CSNK1G3: variants seen among roughly 807,000 people sequenced by gnomAD.
CSNK1G3 encodes casein kinase I isoform gamma-3.
In CSNK1G3, 23 loss-of-function variants were observed where a neutral mutation model predicts 64.3. The observed-to-expected ratio is 0.36, with a 90% CI of 0.26 to 0.51. The LOEUF (loss-of-function observed/expected upper bound fraction) is 0.51. Ranked by LOEUF, CSNK1G3 falls within the 20% of genes least tolerant of loss-of-function variation. The pLI is 0.96. For missense variants in CSNK1G3, 357 were observed against 510.5 expected, an observed-to-expected ratio of 0.70 and a Z score of 2.90; for synonymous variants, 158 against 162.2, an observed-to-expected ratio of 0.97 and a Z score of 0.20.
At chr5:123,549,747 TAAGTA>T (rs1783286368) in intron 2 of CSNK1G3, among the ~76,000 whole-genome samples, 2 of 152,210 alleles carry the variant, frequency 1.3e-5, no homozygotes, top group African/African-American at 4.8e-5. Flanking sequence ...TAGAATTTGT[TAAGTA>T]TAGTAACCTT....
At chr5:123,552,798 A>G (rs1020416545) in intron 2 of CSNK1G3, among the ~76,000 whole-genome samples, 79 of 152,288 alleles carry the variant, frequency 5.2e-4, no homozygotes, top group African/African-American at 1.8e-3. Flanking sequence ...TTGACCATGC[A>G]TTTGACTATT....
At chr5:123,529,744 C>G (rs1779630072) in intron 1 of CSNK1G3, among the ~76,000 whole-genome samples, 1 of 152,112 alleles carries the variant, frequency 6.6e-6, no homozygotes, top group African/African-American at 2.4e-5. Flanking sequence ...TTTAGCATGA[C>G]CTCGTCTTGA....
intron 10 of CSNK1G3, among the ~76,000 whole-genome samples, chr5:123,600,838 T>G (rs182395998): frequency 6.6e-6 from 1 of 152,002 alleles, no homozygotes; most frequent in South Asian, 2.1e-4. Context: ...TGTCTCACAC[T>G]TGCTTGTGGG....
intron 5 of CSNK1G3, among the ~76,000 whole-genome samples, chr5:123,574,778 A>G (rs1788840640): frequency 6.6e-6 from 1 of 152,284 alleles, no homozygotes; most frequent in East Asian, 1.9e-4. Context: ...TGAAGCTGCA[A>G]TGAGCTATGC....
chr5:123,603,051 C>T (rs754508621), intron 10 of CSNK1G3, among the ~76,000 whole-genome samples: 12 of 152,140 alleles, frequency 7.9e-5, no homozygotes, highest in East Asian at 1.9e-4. Context: ...TGAGTCTAGA[C>T]CCATCTTACT....
intron 6 of CSNK1G3, among the ~76,000 whole-genome samples, chr5:123,581,861 T>G (rs989280571): frequency 6.6e-6 from 1 of 152,138 alleles, no homozygotes. Flanking sequence ...TTGTAGTAGA[T>G]AATTTTTATC....
chr5:123,520,585 G>A (rs2149963575), intron 1 of CSNK1G3, among the ~76,000 whole-genome samples: 1 of 151,350 alleles, frequency 6.6e-6, no homozygotes, highest in East Asian at 1.9e-4. Flanking sequence ...TGAATAAAGT[G>A]TGCCTCAAAT....
chr5:123,574,957 CAA>C (rs1415033144), intron 5 of CSNK1G3, among the ~76,000 whole-genome samples: 2 of 152,072 alleles, frequency 1.3e-5, no homozygotes, highest in Non-Finnish European at 2.9e-5. Flanking sequence ...TTATATGCTG[CAA>C]AGTTTGTTAA....
At chr5:123,576,480 T>C (rs1789190986) in intron 6 of CSNK1G3, among the ~76,000 whole-genome samples, 1 of 152,164 alleles carries the variant, frequency 6.6e-6, no homozygotes, top group Admixed American at 6.6e-5. Flanking sequence ...TTCTTATTGG[T>C]AAAAAGAGTA....
intron 6 of CSNK1G3, among the ~76,000 whole-genome samples, chr5:123,578,443 C>T (rs1789595673): frequency 6.6e-6 from 1 of 151,780 alleles, no homozygotes; most frequent in Non-Finnish European, 1.5e-5. Context: ...TGTATATCTT[C>T]TTTTGAAAAG....
At chr5:123,552,444 A>G (rs1478030198) in intron 2 of CSNK1G3, among the ~76,000 whole-genome samples, 4 of 152,110 alleles carry the variant, frequency 2.6e-5, no homozygotes, top group South Asian at 2.1e-4. Flanking sequence ...ACGCCCGGCC[A>G]TGATCTTCTT....
chr5:123,605,282 C>T, intron 11 of CSNK1G3, 57 bp from the exon 13 acceptor site: 1 of 1,473,144 alleles, frequency 6.8e-7, no homozygotes, highest in East Asian at 2.3e-5. Flanking sequence ...TGAGCTGTTT[C>T]TGATTCTCTC....
At chr5:123,556,026 A>G (rs1239417493) in intron 3 of CSNK1G3, among the ~76,000 whole-genome samples, 3 of 152,128 alleles carry the variant, frequency 2.0e-5, no homozygotes, top group African/African-American at 7.2e-5. Context: ...AGTACAGAAA[A>G]GTTAAGTAAC....
chr5:123,533,801 C>T (rs1580951181), intron 1 of CSNK1G3, among the ~76,000 whole-genome samples: 1 of 151,464 alleles, frequency 6.6e-6, no homozygotes, highest in East Asian at 1.9e-4. Context: ...CTGCTTCCCC[C>T]AGAGGTTTTT....
intron 10 of CSNK1G3, among the ~76,000 whole-genome samples, chr5:123,601,288 A>G (rs897040327): frequency 1.3e-5 from 2 of 152,220 alleles, no homozygotes; most frequent in African/African-American, 4.8e-5. Flanking sequence ...GCAAAAAGAC[A>G]CAAATTTTAA....
chr5:123,569,724 CTTCA>C (rs1047462362), intron 4 of CSNK1G3, among the ~76,000 whole-genome samples: 1 of 152,076 alleles, frequency 6.6e-6, no homozygotes, highest in South Asian at 2.1e-4. Context: ...GTAAGAGTCT[CTTCA>C]TTCATTCTTG....
intron 3 of CSNK1G3, among the ~76,000 whole-genome samples, chr5:123,557,200 A>G (rs1177090113): frequency 1.3e-5 from 2 of 152,178 alleles, no homozygotes; most frequent in Non-Finnish European, 2.9e-5. Context: ...CATAAGAGCC[A>G]TCATTTCTCT....
chr5:123,596,108 A>G (rs986997075), intron 10 of CSNK1G3, among the ~76,000 whole-genome samples: 12 of 152,098 alleles, frequency 7.9e-5, no homozygotes, highest in African/African-American at 2.9e-4. Flanking sequence ...AGTTCTAAAA[A>G]TTAAATTATG....
chr5:123,612,543 C>A (rs190260950), intron 12 of CSNK1G3, among the ~76,000 whole-genome samples: 3,433 of 150,640 alleles, frequency 0.023, 138 homozygotes, highest in African/African-American at 0.08. Context: ...AATGGCGCGA[C>A]CTTGGCTCAC....
Sources: allele counts gnomAD v4.1 joint callset (sites outside exome capture counted in the v4.1 genomes callset), GRCh38; gene constraint gnomAD v4.1.1; transcripts MANE v1.5; gene names NCBI Gene and HGNC (gene_info 2026-07-23, HGNC 2026-07-21).